The following EPRS1 variants were observed in gnomAD, a reference collection of about 807,000 sequenced individuals.
EPRS1 encodes glutamyl-prolyl-tRNA synthetase 1, also known as bifunctional glutamate/proline--tRNA ligase.
Under a neutral mutation model 188.3 loss-of-function variants are expected in EPRS1, and 107 were observed. The observed-to-expected ratio is 0.57, with a 90% confidence interval of 0.49 to 0.67. The LOEUF (loss-of-function observed/expected upper bound fraction) is 0.67, where lower values mean the gene tolerates loss of function less well. Among genes scored for constraint, EPRS1 ranks in the 30% least tolerant of loss-of-function variants. The probability of loss-of-function intolerance (pLI) is 0.00; values close to 1 mark genes in which losing one functional copy is unlikely to be tolerated. For synonymous variants in EPRS1, 596 were observed against 593.1 expected, an observed-to-expected ratio of 1.00 and a Z score of -0.07; for missense variants, 1,577 against 1,802.2, an observed-to-expected ratio of 0.88 and a Z score of 2.26.
intron 8 of EPRS1, 86 bp downstream of exon 8, chr1:220,024,178 A>G (rs375738046): frequency 1.1e-6 from 1 of 910,400 alleles, no homozygotes. Flanking sequence ...CAAAAAAACT[A>G]GCAGCTTTCA....
chr1:220,046,329 T>C lies in EPRS1; in HGVS notation c.46+14A>G. On this transcript the variant is annotated intron_variant, in intron 1 of 31. Transcript: ENST00000366923. ...TGATGCAACCCACACAGGTCATTGGTCTCGGCCCCTTACCTAGCGGAGGGT... is the reference window on the plus strand; with the variant it reads ...TGATGCAACCCACACAGGTCATTGGCCTCGGCCCCTTACCTAGCGGAGGGT... 3 of 1,614,054 alleles carry C rather than the reference T, an allele frequency of 1.9e-6. No individual in the cohort carries two copies. The highest frequency in any genetic ancestry group is 1.7e-4 in the Middle Eastern group (1 of 6,050).
intron 10 of EPRS1, among the ~76,000 whole-genome samples, chr1:220,019,752 G>C (rs1384175116): frequency 6.6e-6 from 1 of 152,184 alleles, no homozygotes; most frequent in African/African-American, 2.4e-5. Flanking sequence ...CAGAGGATGT[G>C]CCCTCATGTG....
At chr1:220,005,929 C>G (rs577784992) in intron 15 of EPRS1, among the ~76,000 whole-genome samples, 177 bp downstream of exon 15, 1 of 147,162 alleles carries the variant, frequency 6.8e-6, no homozygotes, top group Admixed American at 7.1e-5. Flanking sequence ...CTTGGCTTCC[C>G]AAAGAGCTAG....
chr1:219,982,233 T>C (rs781011760), intron 23 of EPRS1, among the ~76,000 whole-genome samples: 2 of 152,176 alleles, frequency 1.3e-5, no homozygotes, highest in Non-Finnish European at 2.9e-5. Flanking sequence ...AGCATTTCCA[T>C]TTACCATACG....
intron 16 of EPRS1, among the ~76,000 whole-genome samples, 182 bp downstream of exon 16, chr1:220,005,065 TG>T (rs1433219669): frequency 1.3e-5 from 2 of 152,236 alleles, no homozygotes; most frequent in Non-Finnish European, 2.9e-5. Flanking sequence ...ATGTGCGTGT[TG>T]TTTCAAAGAT....
chr1:220,026,674 G>T (rs979605962), intron 6 of EPRS1, among the ~76,000 whole-genome samples: 7 of 151,776 alleles, frequency 4.6e-5, no homozygotes, highest in African/African-American at 1.7e-4. Flanking sequence ...GATACTACAG[G>T]TGCCTGCCAC....
At chr1:219,998,219 T>A (rs1661273689) in intron 17 of EPRS1, among the ~76,000 whole-genome samples, 1 of 152,190 alleles carries the variant, frequency 6.6e-6, no homozygotes, top group African/African-American at 2.4e-5. Flanking sequence ...AAAATTTTCA[T>A]CTCTATTCCA....
Position 219,984,212 on chromosome 1 carries a change from A to T in EPRS1, c.3084T>A (p.Tyr1028Ter). Residue 1028 changes from tyrosine (Y) to a stop codon, truncating the protein, a stop_gained, in exon 21 of 32, where the codon TAT becomes TAA. Coordinates refer to ENST00000366923, the MANE Select transcript of EPRS1 (RefSeq NM_004446.3). LOFTEE classifies it high-confidence loss of function. ...CAACTGAATGCATACTCACCTGAGA[A>T]TACCAATCAGCAAGATTTTCTTCTT... ...AKKEENLADWYSQVITKSEMI... is the reference protein window; with the variant it reads ...AKKEENLADW The T allele has an allele frequency of 6.2e-7, 1 of 1,612,970 alleles. No individual in the cohort carries two copies. Among genetic ancestry groups the T allele is most frequent in the Non-Finnish European group, 8.5e-7 (1 of 1,178,964 alleles).
At chr1:219,988,190 C>T (rs1295653511) in intron 19 of EPRS1, among the ~76,000 whole-genome samples, 1 of 152,106 alleles carries the variant, frequency 6.6e-6, no homozygotes, top group Admixed American at 6.5e-5. Context: ...CTACTAAGAG[C>T]TCAAAATAAA....
At chr1:219,996,093 C>A (rs1284517373) in intron 18 of EPRS1, among the ~76,000 whole-genome samples, 1 of 152,126 alleles carries the variant, frequency 6.6e-6, no homozygotes, top group Admixed American at 6.6e-5. Context: ...GAACTACATA[C>A]CTTCATTATT....
At chr1:220,015,316 A>C (rs1661681179) in intron 12 of EPRS1, among the ~76,000 whole-genome samples, 1 of 151,654 alleles carries the variant, frequency 6.6e-6, no homozygotes, top group East Asian at 2.0e-4. Flanking sequence ...TACAAAACTT[A>C]GCCAGGTGCA....
In EPRS1 at chr1:219,982,015, T is replaced by C. The variant is rs546960493; in HGVS notation, c.3374-558A>G. Among the ~76,000 whole-genome samples, 6 of 152,330 alleles carry C rather than the reference T, an allele frequency of 3.9e-5. No homozygotes were observed. The East Asian group carries it at 1.2e-3, about 29-fold the overall frequency. On this transcript the variant is annotated intron_variant, in intron 23 of 31. Coordinates refer to ENST00000366923, the MANE Select transcript of EPRS1 (RefSeq NM_004446.3). The stretch of plus-strand genomic sequence containing the variant: ...CAAAGTGAAGATACCTGTCTTAGAA[T>C]AGCCTGCTCATGATCTATAATTAGT...
intron 18 of EPRS1, among the ~76,000 whole-genome samples, chr1:219,994,640 C>CTTTTT (rs71169424): frequency 6.4e-5 from 7 of 109,490 alleles, no homozygotes; most frequent in Admixed American, 9.7e-5. Context: ...GTAACTTCTT[C>CTTTTT]TTTTTTTTTT....
intron 7 of EPRS1, among the ~76,000 whole-genome samples, chr1:220,024,724 A>T (rs1012361834): frequency 1.3e-5 from 2 of 152,240 alleles, no homozygotes; most frequent in Non-Finnish European, 2.9e-5. Context: ...TACTGGGAGA[A>T]CTGACAATCA....
rs1218932197 is a variant in EPRS1 at position 219,973,413 on chromosome 1, A to G, written c.4084-15T>C. 2 of 1,591,658 alleles carry G rather than the reference A, an allele frequency of 1.3e-6. No individual in the cohort carries two copies. Among genetic ancestry groups the G allele is most frequent in the Admixed American group, 3.4e-5 (2 of 58,210 alleles). ...ATGGGAACTCCCTATAAGATAAAAA[A>G]GGCAGTTAAAATGATATATGAATGT... On this transcript the variant is annotated splice_polypyrimidine_tract_variant and intron_variant, in intron 28 of 31. Coordinates refer to ENST00000366923, the MANE Select transcript of EPRS1 (RefSeq NM_004446.3).
At chr1:219,972,622 C>T (rs1660690975) in intron 29 of EPRS1, among the ~76,000 whole-genome samples, 1 of 152,162 alleles carries the variant, frequency 6.6e-6, no homozygotes, top group African/African-American at 2.4e-5. Flanking sequence ...CTGCTTTCTG[C>T]TCCAGGTAGG....
chr1:219,983,814 A>G (rs1409679060), intron 21 of EPRS1, among the ~76,000 whole-genome samples: 2 of 150,104 alleles, frequency 1.3e-5, no homozygotes, highest in Non-Finnish European at 3.0e-5. Context: ...AATTGCTTGA[A>G]CCCAGGAGGC....
In EPRS1 at chr1:220,019,101, G is replaced by C. The variant is rs759629605; in HGVS notation, c.1350-22C>G. 10 of 1,492,380 alleles carry C rather than the reference G, an allele frequency of 6.7e-6. No homozygotes were observed. In the Admixed American group the frequency reaches 1.5e-4, roughly 23 times the overall value. The allele number at this position is 1,492,380 out of a possible 1,614,324, so 92.4% of individuals were successfully genotyped here. On this transcript the variant is annotated intron_variant, in intron 10 of 31. Coordinates refer to ENST00000366923, the MANE Select transcript of EPRS1 (RefSeq NM_004446.3). Reference sequence around the variant, plus strand: ...ATCCCTGGAAATATGTAAATTTTAAGTACCAAGGAAATTTTGTAATGTGTA... The same window carrying C: ...ATCCCTGGAAATATGTAAATTTTAACTACCAAGGAAATTTTGTAATGTGTA...
At position 219,968,628 on chromosome 1, in the gene EPRS1, G is replaced by T. The variant is rs1167406015; in HGVS notation, c.*178C>A. 3 of 581,334 alleles carry T rather than the reference G, an allele frequency of 5.2e-6. No homozygotes were observed. The highest frequency in any genetic ancestry group is 4.5e-4 in the Middle Eastern group (1 of 2,202). The allele number at this position is 581,334 out of a possible 1,614,324, so 36.0% of individuals were successfully genotyped here. A position where few individuals can be genotyped will look rare whatever the true frequency, so the allele number is the denominator to read the frequency against. ...GTTCATGATATTTATTACTGGAGTT[G>T]TTTACAGAAAAGTCTTTTATCCACT... On this transcript the variant is annotated 3_prime_UTR_variant, in exon 32 of 32. Transcript: ENST00000366923.
Sources: allele counts gnomAD v4.1 joint callset (sites outside exome capture counted in the v4.1 genomes callset), GRCh38; gene constraint gnomAD v4.1.1; transcripts MANE v1.5; gene names NCBI Gene and HGNC (gene_info 2026-07-23, HGNC 2026-07-21).